TRERF1: variants seen among roughly 807,000 people sequenced by gnomAD.
The protein encoded by TRERF1 is transcriptional-regulating factor 1.
A neutral mutation model predicts 122.9 loss-of-function variants in TRERF1; 27 were observed. That is an observed-to-expected ratio of 0.22 (90% CI 0.16 to 0.30). TRERF1 has a LOEUF of 0.30. Ranked by LOEUF, TRERF1 falls within the 10% of genes least tolerant of loss-of-function variation. The probability of loss-of-function intolerance (pLI) is 1.00; values close to 1 mark genes in which losing one functional copy is unlikely to be tolerated. For missense variants in TRERF1, 1,248 were observed against 1,560.3 expected (o/e 0.80, Z 3.37); for synonymous variants, 636 against 641.7 (o/e 0.99, Z 0.13).
chr6:42,447,585 T>C (rs1024964681), intron 2 of TRERF1, among the ~76,000 whole-genome samples: 2 of 152,234 alleles, frequency 1.3e-5, no homozygotes, highest in South Asian at 2.1e-4. Context: ...CACACAGTTT[T>C]ATGAGGTCGG....
chr6:42,431,226 T>A (rs1469908040), intron 2 of TRERF1, among the ~76,000 whole-genome samples: 1 of 151,998 alleles, frequency 6.6e-6, no homozygotes, highest in East Asian at 1.9e-4. Context: ...GAAGACATTT[T>A]AAAATACAGG....
At position 42,259,623 on chromosome 6, in the gene TRERF1, A is replaced by C. The variant is rs770907817; in HGVS notation, c.1985T>G (p.Phe662Cys). ...GTTGTAGGAGGGCGGCGGCGGGATG[A>C]AGAGAGGTTCCGGCCGGTGCCGGAA... is the stretch of plus-strand genomic sequence containing the variant. Residue 662 changes from phenylalanine (F) to cysteine (C), a missense_variant, in exon 9 of 18, where the codon TTC (phenylalanine) becomes TGC (cysteine). By Grantham distance (205) the Phe-to-Cys change is radical. Around this residue, in one of 5 missense-constraint regions of TRERF1, gnomAD observed 946 missense variants for 1,073.0 expected, o/e 0.88. Transcript: ENST00000372922. This position sits in a 1 kb window ranked among gnomAD's most constrained non-coding sequence, Gnocchi z 4.9. The C allele has an allele frequency of 3.7e-6, 6 of 1,613,568 alleles. No individual in the cohort carries two copies. Among genetic ancestry groups the C allele is most frequent in the Non-Finnish European group, 4.2e-6 (5 of 1,179,978 alleles).
chr6:42,396,381 C>T (rs967869624), intron 2 of TRERF1, among the ~76,000 whole-genome samples: 6 of 152,052 alleles, frequency 3.9e-5, no homozygotes, highest in Non-Finnish European at 7.4e-5. Flanking sequence ...GCCCCACCCT[C>T]CAAAGGTAGT....
At chr6:42,346,160 C>A (rs1311001287) in intron 3 of TRERF1, among the ~76,000 whole-genome samples, 3 of 152,184 alleles carry the variant, frequency 2.0e-5, no homozygotes, top group Non-Finnish European at 4.4e-5. Flanking sequence ...TCAGGCTGAG[C>A]CAGCAGCAGA....
At chr6:42,283,583 A>C (rs1331574199) in intron 4 of TRERF1, among the ~76,000 whole-genome samples, 1 of 151,226 alleles carries the variant, frequency 6.6e-6, no homozygotes, top group Non-Finnish European at 1.5e-5. Context: ...TACAAAAAAA[A>C]CCCAGATAGA....
At chr6:42,256,130 TAAAAAAAAAAAA>T (rs11376682) in intron 12 of TRERF1, among the ~76,000 whole-genome samples, 1 of 112,638 alleles carries the variant, frequency 8.9e-6, no homozygotes, top group South Asian at 2.9e-4. Context: ...GACTCCATCT[TAAAAAAAAAAAA>T]AAAAAAAAAG....
intron 2 of TRERF1, among the ~76,000 whole-genome samples, chr6:42,372,926 T>C (rs767699539): frequency 9.2e-5 from 14 of 152,088 alleles, no homozygotes; most frequent in Non-Finnish European, 2.1e-4. Context: ...CACGTCAGAA[T>C]TGGTCTGAGC....
chr6:42,429,899 T>C (rs958218660), intron 2 of TRERF1, among the ~76,000 whole-genome samples: 3 of 151,992 alleles, frequency 2.0e-5, no homozygotes, highest in African/African-American at 7.3e-5. Flanking sequence ...CGCACCTAAC[T>C]GGAGAGGTGA....
intron 2 of TRERF1, among the ~76,000 whole-genome samples, chr6:42,377,793 A>T (rs915386315): frequency 6.6e-6 from 1 of 152,080 alleles, no homozygotes; most frequent in Non-Finnish European, 1.5e-5. Flanking sequence ...CTTCCGAGGG[A>T]ATGTTCAGTG....
At chr6:42,400,769 T>C (rs952332443) in intron 2 of TRERF1, among the ~76,000 whole-genome samples, 61 of 152,262 alleles carry the variant, frequency 4.0e-4, no homozygotes, top group African/African-American at 1.4e-3. Context: ...ATGGCAACCA[T>C]TATCCTGAAT....
intron 4 of TRERF1, among the ~76,000 whole-genome samples, chr6:42,281,274 G>A (rs895278457): frequency 3.9e-5 from 6 of 152,158 alleles, no homozygotes; most frequent in Admixed American, 1.3e-4. Context: ...CGGCCCCGGA[G>A]CCTGGGCTGC....
chr6:42,450,878 A>G (rs1788356159), intron 2 of TRERF1, among the ~76,000 whole-genome samples: 1 of 152,168 alleles, frequency 6.6e-6, no homozygotes, highest in African/African-American at 2.4e-5. Context: ...TTAGCTGGAG[A>G]ATGAAGCCTT....
At chr6:42,379,368 C>T (rs190214966) in intron 2 of TRERF1, among the ~76,000 whole-genome samples, 3 of 152,142 alleles carry the variant, frequency 2.0e-5, no homozygotes, top group Admixed American at 6.5e-5. Context: ...GTGTCCTTTT[C>T]CTATAGAGGA....
At chr6:42,235,318 C>G (rs1185998553) in intron 16 of TRERF1, among the ~76,000 whole-genome samples, 2 of 152,094 alleles carry the variant, frequency 1.3e-5, no homozygotes, top group Non-Finnish European at 2.9e-5. Context: ...GGTAATCCCT[C>G]TAGAACTTGC....
downstream of TRERF1, chr6:42,225,031 T>C (rs1228060323): frequency 6.6e-6 from 1 of 152,138 alleles, no homozygotes; most frequent in African/African-American, 2.4e-5. Flanking sequence ...TACATCTCCA[T>C]TTGATGAATG....
At chr6:42,377,120 C>T (rs548488857) in intron 2 of TRERF1, among the ~76,000 whole-genome samples, 19 of 152,268 alleles carry the variant, frequency 1.2e-4, no homozygotes, top group Admixed American at 3.9e-4. Context: ...CCTGTCTCGG[C>T]CTCCCAAAGT....
intron 2 of TRERF1, among the ~76,000 whole-genome samples, chr6:42,440,084 C>T (rs1786218819): frequency 6.6e-6 from 1 of 152,134 alleles, no homozygotes. Context: ...GGGGGCAGGG[C>T]ACTCATCTCT....
intron 13 of TRERF1, among the ~76,000 whole-genome samples, chr6:42,251,281 C>G (rs1289183726): frequency 6.6e-6 from 1 of 152,178 alleles, no homozygotes; most frequent in Non-Finnish European, 1.5e-5. Flanking sequence ...CAGGCATGAG[C>G]CACCGTTCCT....
chr6:42,365,264 C>T (rs975954085), intron 2 of TRERF1, among the ~76,000 whole-genome samples: 8 of 152,132 alleles, frequency 5.3e-5, no homozygotes, highest in African/African-American at 1.7e-4. Flanking sequence ...AGCTGCTGGC[C>T]AGTATCCCAG....
Sources: gnomAD v4.1 joint callset for allele counts (sites outside exome capture counted in the v4.1 genomes callset) on GRCh38, gnomAD v4.1.1 for gene constraint, gnomAD v4.1.1 regional missense constraint, Gnocchi (gnomAD v3.1) non-coding constraint, MANE v1.5 for transcripts, NCBI Gene and HGNC (gene_info 2026-07-23, HGNC 2026-07-21) for gene names.